C10orf90: variants seen among roughly 807,000 people sequenced by gnomAD.
C10orf90 encodes the protein (E2-independent) E3 ubiquitin-conjugating enzyme FATS.
A neutral mutation model predicts 62.5 loss-of-function variants in C10orf90; 56 were observed. That is an observed-to-expected ratio of 0.90 (90% confidence interval 0.72 to 1.12). The LOEUF (loss-of-function observed/expected upper bound fraction) is 1.12. Ranked by LOEUF, C10orf90 falls within the 50% of genes most tolerant of loss-of-function variation. The probability of loss-of-function intolerance (pLI) is 0.00; values close to 1 mark genes in which losing one functional copy is unlikely to be tolerated. For missense variants in C10orf90, 970 were observed against 880.4 expected, an observed-to-expected ratio of 1.10 and a Z score of -1.29; for synonymous variants, 386 against 340.4, an observed-to-expected ratio of 1.13 and a Z score of -1.47.
At chr10:126,566,789 C>A (rs781716489) in intron 2 of C10orf90, among the ~76,000 whole-genome samples, 2 of 152,002 alleles carry the variant, frequency 1.3e-5, no homozygotes, top group African/African-American at 4.8e-5. Context: ...GGGGCAAGAG[C>A]GGAGGCAGCG....
intron 2 of C10orf90, among the ~76,000 whole-genome samples, chr10:126,589,156 G>A (rs1288674626): frequency 1.3e-5 from 2 of 152,064 alleles, no homozygotes; most frequent in Non-Finnish European, 2.9e-5. Flanking sequence ...CAAGAATAGA[G>A]AAAAAATAAT....
intron 4 of C10orf90, among the ~76,000 whole-genome samples, chr10:126,502,326 C>A (rs1256649801): frequency 6.6e-6 from 1 of 152,254 alleles, no homozygotes; most frequent in East Asian, 1.9e-4. Flanking sequence ...AGAATGAAGC[C>A]TCATGGCTTA....
chr10:126,658,128 G>A (rs918783122), intron 1 of C10orf90, among the ~76,000 whole-genome samples: 2 of 152,194 alleles, frequency 1.3e-5, no homozygotes, highest in Admixed American at 6.5e-5. Context: ...CCCAGAACAA[G>A]GACGTTGAAA....
At position 126,583,881 on chromosome 10, in the gene C10orf90, C is replaced by T. The variant is rs545562414; in HGVS notation, c.313+62684G>A. 2.0e-4 allele frequency among the ~76,000 whole-genome samples: 31 copies of T among 152,168 alleles called. No homozygotes were observed. The South Asian group carries it at 3.3e-3, about 16-fold the overall frequency. The stretch of plus-strand genomic sequence containing the variant: ...CTATAATCCCAGCGTTTTGGGAGGC[C>T]GTGGTGGGAGGGTTGCTTGAGCCCA... On this transcript the variant is annotated intron_variant, in intron 2 of 9. Transcript: ENST00000488181.
chr10:126,665,201 A>C (rs1418950917), intron 1 of C10orf90, among the ~76,000 whole-genome samples: 2 of 152,196 alleles, frequency 1.3e-5, no homozygotes, highest in African/African-American at 4.8e-5. Flanking sequence ...TCTTCACTGC[A>C]GTCAGAGCCA....
intron 2 of C10orf90, among the ~76,000 whole-genome samples, chr10:126,583,832 C>G (rs573059041): frequency 1.1e-4 from 17 of 152,284 alleles, no homozygotes; most frequent in African/African-American, 3.6e-4. Flanking sequence ...ATTCAGTGCT[C>G]TTGCTGGGTG....
intron 1 of C10orf90, among the ~76,000 whole-genome samples, chr10:126,664,389 C>G (rs1846582796): frequency 6.6e-6 from 1 of 152,130 alleles, no homozygotes; most frequent in Admixed American, 6.5e-5. Flanking sequence ...ATGCTAGCCC[C>G]AAGACTTAAC....
chr10:126,474,292 G>A lies in C10orf90; in HGVS notation c.1535-9306C>T, dbSNP rs555307254. On this transcript the variant is annotated intron_variant, in intron 4 of 9. Coordinates refer to ENST00000488181, the MANE Select transcript of C10orf90 (RefSeq NM_001350921.2). ...AAAGGAGTGGATGGAATGGATCATC[G>A]CGCTGGCCCATCAAGTCTCCACTCT... 4.6e-5 allele frequency among the ~76,000 whole-genome samples: 7 copies of A among 152,206 alleles called. No individual in the cohort carries two copies. The South Asian group carries it at 6.2e-4, about 14-fold the overall frequency.
rs1201131084 is a variant in C10orf90 at position 126,504,406 on chromosome 10, T to C, written c.1085A>G (p.Tyr362Cys). The change falls in exon 4 of 10, where the codon TAT becomes TGT. Residue 362 changes from tyrosine (Y) to cysteine (C), a missense_variant. Physicochemically the swap from Tyr to Cys is radical, Grantham distance 194. Transcript: ENST00000488181. This position sits in a 1 kb window ranked among gnomAD's most constrained non-coding sequence, Gnocchi z 4.1. ...RVSQQCPDSI[Y>C]YVDKSLSVPI... ...GACGGAGAGAGACTTGTCTACGTAA[T>C]AGATTGAATCTGGACACTGCTGAGA... is the stretch of plus-strand genomic sequence containing the variant. 4.3e-6 allele frequency: 7 copies of C among 1,614,080 alleles called. No individual in the cohort carries two copies. Among genetic ancestry groups the C allele is most frequent in the East Asian group, 2.2e-5 (1 of 44,886 alleles).
At chr10:126,635,360 G>T (rs971042623) in intron 2 of C10orf90, among the ~76,000 whole-genome samples, 1 of 152,158 alleles carries the variant, frequency 6.6e-6, no homozygotes, top group African/African-American at 2.4e-5. Context: ...GGCATGGGGG[G>T]TGCGGGGAGA....
rs1427253791 is a variant in C10orf90, at chr10:126,456,247, G to T, written c.2188+2793C>A. 1.3e-5 allele frequency among the ~76,000 whole-genome samples: 2 copies of T among 152,172 alleles called. No homozygotes were observed. Among genetic ancestry groups the T allele is most frequent in the African/African-American group, 4.8e-5 (2 of 41,422 alleles). ...TTCTCACTTGCCCGAGCTTGTATGA[G>T]GCTCTGGTTTCAGAGGCTGTCTGAT... On this transcript the variant is annotated intron_variant, in intron 7 of 9. Transcript: ENST00000488181. The surrounding 1 kb of genome is among the most constrained non-coding windows in gnomAD (Gnocchi z 4.9).
intron 2 of C10orf90, among the ~76,000 whole-genome samples, chr10:126,586,459 C>G (rs1167752134): frequency 1.3e-5 from 2 of 152,196 alleles, no homozygotes; most frequent in African/African-American, 4.8e-5. Flanking sequence ...AAACGGGGCG[C>G]TCTTTCGTGA....
intron 2 of C10orf90, among the ~76,000 whole-genome samples, chr10:126,564,989 ATATATAT>A (rs1844292787): frequency 1.4e-4 from 2 of 14,574 alleles, no homozygotes; most frequent in African/African-American, 3.9e-4. Context: ...AAAATATAAA[ATATATAT>A]TATATATAAT....
intron 2 of C10orf90, among the ~76,000 whole-genome samples, chr10:126,518,329 C>T (rs1863554238): frequency 6.6e-6 from 1 of 152,152 alleles, no homozygotes; most frequent in African/African-American, 2.4e-5. Flanking sequence ...AGCAAGCATT[C>T]CAGGACATTT....
chr10:126,468,510 A>G (rs1472217099), intron 4 of C10orf90, among the ~76,000 whole-genome samples: 1 of 152,168 alleles, frequency 6.6e-6, no homozygotes. Context: ...CAAGGGATGA[A>G]TGAGTTCTGG....
intron 7 of C10orf90, among the ~76,000 whole-genome samples, chr10:126,433,694 CT>C (rs1358738986): frequency 6.6e-6 from 1 of 152,132 alleles, no homozygotes; most frequent in Non-Finnish European, 1.5e-5. Context: ...CAAAACCAAC[CT>C]GCATGAGCTT....
chr10:126,643,269 TC>T (rs1391306765), intron 2 of C10orf90, among the ~76,000 whole-genome samples: 3 of 152,118 alleles, frequency 2.0e-5, no homozygotes, highest in Admixed American at 6.5e-5. Flanking sequence ...ACAGAGTGAG[TC>T]CCCTGTCCCT....
chr10:126,476,283 A>G (rs952586514), intron 4 of C10orf90, among the ~76,000 whole-genome samples: 1 of 152,144 alleles, frequency 6.6e-6, no homozygotes, highest in African/African-American at 2.4e-5. Flanking sequence ...GCAAACCTCA[A>G]TCACATCAAC....
At chr10:126,485,804 G>A (rs1034360916) in intron 4 of C10orf90, among the ~76,000 whole-genome samples, 1 of 151,708 alleles carries the variant, frequency 6.6e-6, no homozygotes, top group Admixed American at 6.6e-5. Flanking sequence ...AAAATTAGCC[G>A]GGCGTCGTGG....
Sources: allele counts gnomAD v4.1 joint callset (sites outside exome capture counted in the v4.1 genomes callset), GRCh38; gene constraint gnomAD v4.1.1; non-coding constraint Gnocchi (gnomAD v3.1); transcripts MANE v1.5; gene names NCBI Gene and HGNC (gene_info 2026-07-23, HGNC 2026-07-21).